Variants in CNIH3 observed in about 807,000 individuals in gnomAD.
The protein encoded by CNIH3 is protein cornichon homolog 3.
CNIH3 carries 14 observed loss-of-function variants against 24.1 expected under a neutral mutation model. That is an observed-to-expected ratio of 0.58 (90% CI 0.38 to 0.91). CNIH3 has a LOEUF of 0.91. CNIH3 is among the 40% of genes least tolerant of loss of function. The probability of loss-of-function intolerance (pLI) is 0.00; values close to 1 mark genes in which losing one functional copy is unlikely to be tolerated. For missense variants in CNIH3, 178 were observed against 196.8 expected (o/e 0.90, Z 0.57); for synonymous variants, 68 against 73.8 (o/e 0.92, Z 0.40).
At chr1:224,633,831 C>T (rs1320870994) in intron 1 of CNIH3, among the ~76,000 whole-genome samples, 1 of 152,206 alleles carries the variant, frequency 6.6e-6, no homozygotes, top group Non-Finnish European at 1.5e-5. Flanking sequence ...CCAAAAAATG[C>T]CAGATAATCA....
chr1:224,601,113 G>C (rs1251652862), intron 3 of CNIH3, among the ~76,000 whole-genome samples: 2 of 152,322 alleles, frequency 1.3e-5, no homozygotes, highest in East Asian at 3.9e-4. Context: ...AAGTACACTT[G>C]GAAGAGGCCC....
At chr1:224,626,300 A>G (rs1258828490) in intron 1 of CNIH3, among the ~76,000 whole-genome samples, 2 of 152,114 alleles carry the variant, frequency 1.3e-5, no homozygotes, top group African/African-American at 4.8e-5. Context: ...TGCATTTCTT[A>G]ATGACACTTG....
chr1:224,513,434 C>T (rs1678251159), upstream of CNIH3, among the ~76,000 whole-genome samples: 1 of 151,646 alleles, frequency 6.6e-6, no homozygotes, highest in Non-Finnish European at 1.5e-5. Context: ...CCTGCCTCAG[C>T]TTCCCAAAGT....
chr1:224,605,669 A>G (rs1383295181), intron 3 of CNIH3, among the ~76,000 whole-genome samples: 1 of 152,098 alleles, frequency 6.6e-6, no homozygotes, highest in Non-Finnish European at 1.5e-5. Context: ...CATTTCTGAC[A>G]ACCAGATGGC....
chr1:224,625,626 T>G (rs577212264), intron 1 of CNIH3, among the ~76,000 whole-genome samples: 36 of 152,294 alleles, frequency 2.4e-4, no homozygotes, highest in African/African-American at 8.4e-4. Flanking sequence ...GCTCTCTCTG[T>G]GTAAGGGAGG....
At chr1:224,691,545 T>G (rs1330233443) in intron 3 of CNIH3, among the ~76,000 whole-genome samples, 1 of 152,214 alleles carries the variant, frequency 6.6e-6, no homozygotes, top group Non-Finnish European at 1.5e-5. Flanking sequence ...GGAACCTACC[T>G]GAGCCCACCT....
chr1:224,725,671 G>T (rs1045386933), intron 3 of CNIH3, among the ~76,000 whole-genome samples: 18 of 152,280 alleles, frequency 1.2e-4, no homozygotes, highest in African/African-American at 3.1e-4. Flanking sequence ...CTATGCCCTT[G>T]GAATGCATGA....
At chr1:224,680,925 A>G (rs1360202348) in intron 1 of CNIH3, 33 bp from the exon 2 acceptor site, 1 of 1,540,092 alleles carries the variant, frequency 6.5e-7, no homozygotes, top group African/African-American at 1.4e-5. Context: ...ACTCGTGTGC[A>G]CTAACACCTC....
upstream of CNIH3, among the ~76,000 whole-genome samples, chr1:224,514,295 G>T (rs1374827461): frequency 6.6e-6 from 1 of 152,054 alleles, no homozygotes; most frequent in African/African-American, 2.4e-5. Context: ...ACGCATGCAG[G>T]TTAAGAATAA....
chr1:224,655,633 T>G (rs537728168), intron 1 of CNIH3, among the ~76,000 whole-genome samples: 1 of 152,270 alleles, frequency 6.6e-6, no homozygotes, highest in Admixed American at 6.5e-5. Context: ...ACTTGTTTGT[T>G]CTCCAACTTT....
chr1:224,591,433 A>C (rs956228155), downstream of CNIH3, among the ~76,000 whole-genome samples: 1 of 152,150 alleles, frequency 6.6e-6, no homozygotes, highest in Non-Finnish European at 1.5e-5. Context: ...TCTGGGTCTT[A>C]CAATTGGCAG....
At chr1:224,534,384 CA>C (rs2124936643) in intron 2 of CNIH3, among the ~76,000 whole-genome samples, 1 of 152,228 alleles carries the variant, frequency 6.6e-6, no homozygotes, top group African/African-American at 2.4e-5. Context: ...ACTTGTTCAT[CA>C]AAATGCTGGG....
In CNIH3 at chr1:224,617,155, G is replaced by A. The variant is rs1201736104; in HGVS notation, c.-20G>A. The A allele has an allele frequency of 6.2e-7, 1 of 1,613,408 alleles. No individual in the cohort carries two copies. The highest frequency in any genetic ancestry group is 8.5e-7 in the Non-Finnish European group (1 of 1,179,640). ...CTAGGGGCTTCTTGGCGTGTGTGGT[G>A]GGATTGGGGTCCGCCGGCCATGGCC... is the stretch of plus-strand genomic sequence containing the variant. On this transcript the variant is annotated 5_prime_UTR_variant, in exon 1 of 6. Transcript: ENST00000272133.
At chr1:224,666,936 G>A (rs1200754439) in intron 1 of CNIH3, among the ~76,000 whole-genome samples, 1 of 152,188 alleles carries the variant, frequency 6.6e-6, no homozygotes, top group Non-Finnish European at 1.5e-5. Context: ...TCCCTCCTGG[G>A]CAGTTTGCAA....
chr1:224,654,444 G>T (rs930339523), intron 1 of CNIH3, among the ~76,000 whole-genome samples: 1 of 152,172 alleles, frequency 6.6e-6, no homozygotes, highest in Non-Finnish European at 1.5e-5. Flanking sequence ...CCTCCTTGCT[G>T]TAGAGTTGGG....
At chr1:224,568,190 T>C (rs1296699111) in intron 4 of CNIH3, among the ~76,000 whole-genome samples, 1 of 152,020 alleles carries the variant, frequency 6.6e-6, no homozygotes, top group Non-Finnish European at 1.5e-5. Flanking sequence ...CTCTGGAGGC[T>C]GAGGGAGGAG....
At chr1:224,575,036 C>T in intron 4 of CNIH3, 1 of 878,262 alleles carries the variant, frequency 1.1e-6, no homozygotes, top group South Asian at 1.3e-5. Flanking sequence ...TAATCCAGTA[C>T]TGCCAGTCCA....
chr1:224,482,584 A>G (rs879108826), intron 1 of CNIH3, among the ~76,000 whole-genome samples: 2 of 151,734 alleles, frequency 1.3e-5, no homozygotes, highest in Admixed American at 6.6e-5. Context: ...CCAGTGCCCT[A>G]TCTTTCTGTA....
intron 4 of CNIH3, among the ~76,000 whole-genome samples, chr1:224,577,976 C>G (rs1681107559): frequency 6.6e-6 from 1 of 152,044 alleles, no homozygotes; most frequent in South Asian, 2.1e-4. Context: ...GAATGGAAAA[C>G]CAAACATCCT....
Sources: gnomAD v4.1 joint callset for allele counts (sites outside exome capture counted in the v4.1 genomes callset) on GRCh38, gnomAD v4.1.1 for gene constraint, MANE v1.5 for transcripts, NCBI Gene and HGNC (gene_info 2026-07-23, HGNC 2026-07-21) for gene names.